The following SNTG1 variants were observed in gnomAD, a reference collection of about 807,000 sequenced individuals.
The protein encoded by SNTG1 is syntrophin gamma 1.
In SNTG1, 39 loss-of-function variants were observed where a neutral mutation model predicts 74.7. That is an observed-to-expected ratio of 0.52 (90% CI 0.40 to 0.68). SNTG1 has a LOEUF of 0.68. Ranked by LOEUF, SNTG1 falls within the 30% of genes least tolerant of loss-of-function variation. The pLI, the probability that SNTG1 is intolerant of heterozygous loss-of-function variation, is 0.00. For synonymous variants in SNTG1, 254 were observed against 217.1 expected, an observed-to-expected ratio of 1.17 and a Z score of -1.49; for missense variants, 685 against 609.5, an observed-to-expected ratio of 1.12 and a Z score of -1.30.
At chr8:50,510,126 G>C (rs143294991) in intron 9 of SNTG1, among the ~76,000 whole-genome samples, 139 of 152,132 alleles carry the variant, frequency 9.1e-4, no homozygotes, top group East Asian at 1.9e-3. Context: ...TAGCATGAAG[G>C]GTTGTTGAAT....
intron 8 of SNTG1, among the ~76,000 whole-genome samples, chr8:50,483,474 T>G (rs1750385696): frequency 2.0e-5 from 3 of 152,180 alleles, no homozygotes; most frequent in Admixed American, 2.0e-4. Flanking sequence ...TGTTTCTCCC[T>G]ATGCAGGCTT....
chr8:50,609,673 G>A (rs2094836651), intron 13 of SNTG1, among the ~76,000 whole-genome samples: 1 of 151,970 alleles, frequency 6.6e-6, no homozygotes, highest in Admixed American at 6.6e-5. Context: ...ATGTTGATAT[G>A]CTTAACACTT....
intron 12 of SNTG1, among the ~76,000 whole-genome samples, chr8:50,553,500 G>A (rs1004484021): frequency 8.5e-5 from 13 of 152,150 alleles, no homozygotes; most frequent in African/African-American, 3.1e-4. Flanking sequence ...TTTCAAGACA[G>A]CATTATTGAT....
At chr8:50,159,530 C>G (rs1226762920) in intron 1 of SNTG1, among the ~76,000 whole-genome samples, 1 of 152,094 alleles carries the variant, frequency 6.6e-6, no homozygotes, top group Non-Finnish European at 1.5e-5. Context: ...AGTCTCTTTA[C>G]TATAATCTCA....
chr8:50,621,087 G>A lies in SNTG1; in HGVS notation c.849+30170G>A, dbSNP rs143234932. The stretch of plus-strand genomic sequence containing the variant: ...ACTTTTTTTTTTTTTTTTGAGATGT[G>A]GTTAGAGTTTTACATTCTATACCAT... On this transcript the variant is annotated intron_variant, in intron 13 of 18. Coordinates refer to ENST00000642720, the MANE Select transcript of SNTG1 (RefSeq NM_018967.5). 7.9e-3 allele frequency among the ~76,000 whole-genome samples: 1,178 copies of A among 150,036 alleles called. 11 individuals carry two copies. Among genetic ancestry groups the A allele is most frequent in the African/African-American group, 0.027 (1,080 of 40,742 alleles).
chr8:49,966,831 T>C (rs376610109), intron 1 of SNTG1, among the ~76,000 whole-genome samples: 2 of 152,222 alleles, frequency 1.3e-5, no homozygotes, highest in South Asian at 2.1e-4. Context: ...CTTTACTATA[T>C]AGGCATATTT....
chr8:50,223,777 T>A (rs1200806748), intron 2 of SNTG1, among the ~76,000 whole-genome samples: 1 of 152,170 alleles, frequency 6.6e-6, no homozygotes, highest in Non-Finnish European at 1.5e-5. Context: ...AAGAATAATT[T>A]TTTTAAATCC....
At chr8:50,111,347 T>C (rs922927895) in intron 1 of SNTG1, among the ~76,000 whole-genome samples, 3 of 152,174 alleles carry the variant, frequency 2.0e-5, no homozygotes, top group African/African-American at 7.2e-5. Context: ...GGTGGGGGTC[T>C]TAATTGAATA....
intron 17 of SNTG1, among the ~76,000 whole-genome samples, chr8:50,740,136 C>A (rs374687627): frequency 2.0e-5 from 3 of 151,906 alleles, no homozygotes; most frequent in East Asian, 3.9e-4. Flanking sequence ...TCTAATTAAA[C>A]TAAAAAGCTC....
intron 13 of SNTG1, among the ~76,000 whole-genome samples, chr8:50,656,583 G>A (rs146195341): frequency 6.6e-6 from 1 of 152,210 alleles, no homozygotes; most frequent in East Asian, 1.9e-4. Flanking sequence ...ATGCATCAAT[G>A]AATTCTATTA....
At chr8:50,609,841 T>C (rs1490056261) in intron 13 of SNTG1, among the ~76,000 whole-genome samples, 1 of 152,128 alleles carries the variant, frequency 6.6e-6, no homozygotes, top group Non-Finnish European at 1.5e-5. Flanking sequence ...GTTTCTTATT[T>C]TTAAATTTCT....
chr8:50,285,682 A>G (rs1015175009), intron 2 of SNTG1, among the ~76,000 whole-genome samples: 1 of 152,064 alleles, frequency 6.6e-6, no homozygotes, highest in African/African-American at 2.4e-5. Flanking sequence ...TGAGTTCATC[A>G]ATAAAAATGG....
At chr8:50,443,136 T>C (rs946408268) in intron 5 of SNTG1, among the ~76,000 whole-genome samples, 7 of 152,242 alleles carry the variant, frequency 4.6e-5, no homozygotes, top group South Asian at 4.1e-4. Flanking sequence ...TTATTCTTCC[T>C]ATCGGGATTA....
At chr8:50,097,165 T>C (rs920174069) in intron 1 of SNTG1, among the ~76,000 whole-genome samples, 5 of 151,980 alleles carry the variant, frequency 3.3e-5, no homozygotes, top group African/African-American at 9.7e-5. Context: ...AGAGACGCAG[T>C]TTCGTCGTGT....
intron 15 of SNTG1, among the ~76,000 whole-genome samples, chr8:50,660,217 AAAG>A (rs777242557): frequency 7.0e-4 from 104 of 147,776 alleles, no homozygotes; most frequent in Non-Finnish European, 1.3e-3. Flanking sequence ...AAGGAAAAGA[AAAG>A]AAGAAAAGAA....
chr8:50,347,515 C>T (rs10095599), intron 2 of SNTG1, among the ~76,000 whole-genome samples: 9,950 of 152,182 alleles, frequency 0.065, 353 homozygotes, highest in African/African-American at 0.072. Context: ...GTATCTATTC[C>T]GCAGTCCATT....
chr8:50,621,716 G>T (rs190605769), intron 13 of SNTG1, among the ~76,000 whole-genome samples: 2 of 152,150 alleles, frequency 1.3e-5, no homozygotes, highest in African/African-American at 4.8e-5. Context: ...CCACTGATTT[G>T]TAGGTAATTC....
intron 1 of SNTG1, among the ~76,000 whole-genome samples, chr8:49,931,834 G>C (rs1480120574): frequency 6.6e-6 from 1 of 152,090 alleles, no homozygotes; most frequent in Non-Finnish European, 1.5e-5. Context: ...TTTCAAAACT[G>C]GCAAGAAATA....
intron 1 of SNTG1, among the ~76,000 whole-genome samples, chr8:50,149,959 C>G (rs974085208): frequency 6.6e-6 from 1 of 152,082 alleles, no homozygotes; most frequent in Non-Finnish European, 1.5e-5. Flanking sequence ...ATGGGGATGG[C>G]ATTGAATCTA....
Sources: allele counts gnomAD v4.1 joint callset (sites outside exome capture counted in the v4.1 genomes callset), GRCh38; gene constraint gnomAD v4.1.1; transcripts MANE v1.5; gene names NCBI Gene and HGNC (gene_info 2026-07-23, HGNC 2026-07-21).